SLC24A2: variants seen among roughly 807,000 people sequenced by gnomAD.
SLC24A2 encodes sodium/potassium/calcium exchanger 2.
SLC24A2 carries 36 observed loss-of-function variants against 62.0 expected under a neutral mutation model. The ratio of observed to expected loss-of-function variants is 0.58; its 90% CI spans 0.44 to 0.77. The LOEUF (loss-of-function observed/expected upper bound fraction) is 0.77. Among genes scored for constraint, SLC24A2 ranks in the 30% least tolerant of loss-of-function variants. The pLI is 0.00. For missense variants in SLC24A2, 846 were observed against 817.9 expected, an observed-to-expected ratio of 1.03 and a Z score of -0.42; for synonymous variants, 358 against 294.0, an observed-to-expected ratio of 1.22 and a Z score of -2.23.
the SLC24A2 span, among the ~76,000 whole-genome samples, chr9:20,223,821 CA>C: frequency 6.6e-6 from 1 of 152,084 alleles, no homozygotes; most frequent in Non-Finnish European, 1.5e-5. Context: ...AGTCTGTTTT[CA>C]CACTGCTATA....
chr9:20,291,376 CAG>C, the SLC24A2 span, among the ~76,000 whole-genome samples: 1 of 152,130 alleles, frequency 6.6e-6, no homozygotes, highest in African/African-American at 2.4e-5. Flanking sequence ...ACACTTCAAA[CAG>C]AGAGGCATGA....
the SLC24A2 span, among the ~76,000 whole-genome samples, chr9:20,170,101 G>C: frequency 1.3e-5 from 2 of 148,480 alleles, no homozygotes; most frequent in South Asian, 4.2e-4. Context: ...TCAAAGACAA[G>C]ATTTTCGAAT....
At chr9:19,965,069 G>A in the SLC24A2 span, among the ~76,000 whole-genome samples, 1 of 135,330 alleles carries the variant, frequency 7.4e-6, no homozygotes, top group African/African-American at 2.8e-5. Context: ...GTGTAAGCCA[G>A]TTCCCTGTGA....
chr9:20,080,306 G>C, the SLC24A2 span, among the ~76,000 whole-genome samples: 38 of 152,236 alleles, frequency 2.5e-4, no homozygotes, highest in Non-Finnish European at 4.0e-4. Context: ...AGAACAGAGT[G>C]CTCAGAAATA....
the SLC24A2 span, among the ~76,000 whole-genome samples, chr9:19,825,729 C>T: frequency 3.3e-5 from 5 of 152,088 alleles, no homozygotes; most frequent in Non-Finnish European, 7.3e-5. Flanking sequence ...GATTGTGTCT[C>T]TTGCACTAGA....
chr9:19,831,704 C>A, the SLC24A2 span, among the ~76,000 whole-genome samples: 1 of 152,082 alleles, frequency 6.6e-6, no homozygotes, highest in Admixed American at 6.5e-5. Context: ...TACAAAAGGA[C>A]AAAGACTTCT....
chr9:19,575,743 G>A (rs1001356837), intron 6 of SLC24A2, among the ~76,000 whole-genome samples: 1 of 152,154 alleles, frequency 6.6e-6, no homozygotes, highest in African/African-American at 2.4e-5. Flanking sequence ...GAGGAGGACT[G>A]CGACTGAGCC....
the SLC24A2 span, among the ~76,000 whole-genome samples, chr9:20,098,451 T>C: frequency 9.9e-5 from 15 of 152,210 alleles, no homozygotes; most frequent in African/African-American, 3.1e-4. Context: ...CATTATATAC[T>C]TCTTATCTTT....
chr9:20,163,121 T>A, the SLC24A2 span, among the ~76,000 whole-genome samples: 8 of 152,112 alleles, frequency 5.3e-5, no homozygotes, highest in Admixed American at 5.2e-4. Context: ...GTGTTGGAAG[T>A]TCTGGCCAGG....
At position 19,525,386 on chromosome 9, in the gene SLC24A2, CTTTACTTTTTTTTTTTT is replaced by C. The variant is rs1299071887; in HGVS notation, c.1569+2646_1569+2662del. ...TCTGCAAGGTTTTTTTTTCCTATTT[CTTTACTTTTTTTTTTTT>C]TTTTTTTTTTTTTTTTAAAAGACAG... is the stretch of plus-strand genomic sequence containing the variant. On this transcript the variant is annotated intron_variant, in intron 9 of 10. Transcript: ENST00000341998. Among the ~76,000 whole-genome samples, 8 of 47,200 alleles carry C rather than the reference CTTTACTTTTTTTTTTTT, an allele frequency of 1.7e-4. 1 individual carries two copies. Among genetic ancestry groups the C allele is most frequent in the African/African-American group, 3.9e-4 (5 of 12,828 alleles). The allele number at this position is 47,200 out of a possible 152,430, so 31.0% of individuals were successfully genotyped here. A position where few individuals can be genotyped will look rare whatever the true frequency, so the allele number is the denominator to read the frequency against.
Position 19,515,924 on chromosome 9 carries a change from T to G in SLC24A2, c.*229A>C. The G allele has an allele frequency of 1.8e-6, 1 of 557,682 alleles. No individual in the cohort carries two copies. Among genetic ancestry groups the G allele is most frequent in the South Asian group, 1.9e-5 (1 of 52,688 alleles). 34.5% of individuals were successfully genotyped at this position (557,682 alleles called of 1,614,324 possible). A position where few individuals can be genotyped will look rare whatever the true frequency, so the allele number is the denominator to read the frequency against. On this transcript the variant is annotated 3_prime_UTR_variant, in exon 11 of 11. Transcript: ENST00000341998. ...TGGTGAATAGGGAGAAGCCCTGTAT[T>G]GACGGTTCTCTTTGTCTTTTACATG...
chr9:20,233,649 C>A, the SLC24A2 span, among the ~76,000 whole-genome samples: 1 of 152,200 alleles, frequency 6.6e-6, no homozygotes, highest in Non-Finnish European at 1.5e-5. Flanking sequence ...TTCCTGAATA[C>A]AGTACACTGA....
the SLC24A2 span, among the ~76,000 whole-genome samples, chr9:20,269,059 G>A: frequency 6.6e-6 from 1 of 152,166 alleles, no homozygotes; most frequent in Admixed American, 6.5e-5. Flanking sequence ...AATATTTCCT[G>A]CTTTGACAAT....
the SLC24A2 span, among the ~76,000 whole-genome samples, chr9:19,885,747 C>T: frequency 6.6e-6 from 1 of 152,102 alleles, no homozygotes; most frequent in Non-Finnish European, 1.5e-5. Context: ...TCTCCCTCCT[C>T]CCACCCTGTA....
intron 4 of SLC24A2, among the ~76,000 whole-genome samples, chr9:19,616,153 A>ATT (rs952578455): frequency 6.6e-6 from 1 of 151,798 alleles, no homozygotes; most frequent in Non-Finnish European, 1.5e-5. Flanking sequence ...GGAAGAAGAC[A>ATT]TTTTTTTTCA....
At chr9:19,707,417 T>C (rs1306068557) in intron 2 of SLC24A2, among the ~76,000 whole-genome samples, 2 of 152,224 alleles carry the variant, frequency 1.3e-5, no homozygotes, top group African/African-American at 2.4e-5. Context: ...TAGGCCAGCA[T>C]CATCCTGATA....
chr9:20,050,840 G>A, the SLC24A2 span, among the ~76,000 whole-genome samples: 4 of 152,104 alleles, frequency 2.6e-5, no homozygotes, highest in African/African-American at 9.7e-5. Flanking sequence ...TTTACTGCCT[G>A]TTGTAATGAT....
At chr9:19,891,736 A>AC in the SLC24A2 span, among the ~76,000 whole-genome samples, 1 of 152,122 alleles carries the variant, frequency 6.6e-6, no homozygotes. Flanking sequence ...ACAGAGCGAG[A>AC]TCCTGTCTCT....
the SLC24A2 span, among the ~76,000 whole-genome samples, chr9:19,829,120 C>T: frequency 6.6e-6 from 1 of 152,190 alleles, no homozygotes; most frequent in African/African-American, 2.4e-5. Context: ...AAATTCCCAT[C>T]ATGGAGACAA....
Sources: gnomAD v4.1 joint callset for allele counts (sites outside exome capture counted in the v4.1 genomes callset) on GRCh38, gnomAD v4.1.1 for gene constraint, MANE v1.5 for transcripts, NCBI Gene and HGNC (gene_info 2026-07-23, HGNC 2026-07-21) for gene names.